Variants in DLG2 observed in about 807,000 individuals in gnomAD.
DLG2 encodes discs large MAGUK scaffold protein 2.
Under a neutral mutation model 132.5 loss-of-function variants are expected in DLG2, and 45 were observed. The observed-to-expected ratio is 0.34, with a 90% CI of 0.27 to 0.44. The LOEUF (loss-of-function observed/expected upper bound fraction) is 0.44, where lower values mean the gene tolerates loss of function less well. DLG2 is among the 20% of genes least tolerant of loss of function. The pLI is 1.00. For missense variants in DLG2, 1,045 were observed against 1,196.9 expected (o/e 0.87, Z 1.87); for synonymous variants, 424 against 419.6 (o/e 1.01, Z -0.13).
chr11:84,098,962 A>T lies in DLG2; in HGVS notation c.710T>A (p.Ile237Asn). Residue 237 changes from isoleucine (I) to asparagine (N), a missense_variant, in exon 10 of 28, where the codon ATT (isoleucine) becomes AAT (asparagine). Physicochemically the swap from Ile to Asn is moderately radical, Grantham distance 149 (BLOSUM62 -3). Transcript: ENST00000376104. Reference protein sequence around the residue: ...GDDPGIFITKIIPGGAAAEDG... With the variant: ...GDDPGIFITKNIPGGAAAEDG... Reference sequence around the variant, plus strand: ...CTCTGCTGCAGCACCTCCTGGTATAATCTTCGTAATAAATATGCCAGGGTC... The same window carrying T: ...CTCTGCTGCAGCACCTCCTGGTATATTCTTCGTAATAAATATGCCAGGGTC... 6.2e-7 allele frequency: 1 copy of T among 1,613,610 alleles called. No individual in the cohort carries two copies. The highest frequency in any genetic ancestry group is 8.5e-7 in the Non-Finnish European group (1 of 1,179,796).
rs76970339 is a variant in DLG2, at chr11:84,463,779, T to G, written c.519+70791A>C. 2.0e-5 allele frequency among the ~76,000 whole-genome samples: 3 copies of G among 151,108 alleles called. No homozygotes were observed. The East Asian group carries it at 5.9e-4, about 30-fold the overall frequency. ...GATGCATGTTGTACCTGGAAGAAAA[T>G]CCCTAATCTTGAACACACCCGTGGG... On this transcript the variant is annotated intron_variant, in intron 7 of 27. Coordinates refer to ENST00000376104, the MANE Select transcript of DLG2 (RefSeq NM_001142699.3).
intron 6 of DLG2, among the ~76,000 whole-genome samples, chr11:84,882,177 C>G (rs1470526691): frequency 6.6e-6 from 1 of 151,924 alleles, no homozygotes. Flanking sequence ...TGGGAGATCA[C>G]TATAAGAAGA....
chr11:85,296,467 C>CTTTTTTTTTTTTTTTTTTATTTTTT (rs66526147), intron 3 of DLG2, among the ~76,000 whole-genome samples: 1 of 121,552 alleles, frequency 8.2e-6, no homozygotes. Context: ...TTTCGATTTT[C>CTTTTTTTTTTTTTTTTTTATTTTTT]TTTTTTTTTT....
At chr11:84,119,947 G>C (rs1227198780) in intron 9 of DLG2, among the ~76,000 whole-genome samples, 1 of 152,118 alleles carries the variant, frequency 6.6e-6, no homozygotes, top group African/African-American at 2.4e-5. Context: ...TATTTTCTTT[G>C]TGTGGAAGAT....
intron 22 of DLG2, among the ~76,000 whole-genome samples, chr11:83,483,572 G>A (rs552381994): frequency 5.3e-5 from 8 of 152,226 alleles, no homozygotes; most frequent in Non-Finnish European, 8.8e-5. Context: ...TTTGACCATG[G>A]TCAATCACGT....
chr11:84,181,982 A>T (rs969860481), intron 8 of DLG2, among the ~76,000 whole-genome samples: 19 of 149,618 alleles, frequency 1.3e-4, no homozygotes, highest in Non-Finnish European at 4.5e-5. Flanking sequence ...CAGGCACAAA[A>T]TCAGTAAGGA....
chr11:85,096,451 G>T (rs1460243985), intron 6 of DLG2, among the ~76,000 whole-genome samples: 1 of 151,238 alleles, frequency 6.6e-6, no homozygotes, highest in African/African-American at 2.4e-5. Context: ...CACTGCAAAG[G>T]GCCGCGGCTT....
intron 7 of DLG2, among the ~76,000 whole-genome samples, chr11:84,312,459 C>T (rs922217158): frequency 6.6e-6 from 1 of 152,020 alleles, no homozygotes; most frequent in African/African-American, 2.4e-5. Flanking sequence ...AGGACCAGTG[C>T]GAGACTGCAT....
At chr11:84,971,124 C>A (rs1365580923) in intron 6 of DLG2, among the ~76,000 whole-genome samples, 1 of 152,052 alleles carries the variant, frequency 6.6e-6, no homozygotes, top group Non-Finnish European at 1.5e-5. Context: ...ATGAGAGGTA[C>A]AAAGACGGCA....
At chr11:84,930,794 C>T (rs916060875) in intron 6 of DLG2, among the ~76,000 whole-genome samples, 1 of 152,008 alleles carries the variant, frequency 6.6e-6, no homozygotes, top group Non-Finnish European at 1.5e-5. Flanking sequence ...AAGACTTTCC[C>T]ATCTAAAAAC....
rs771915672 is a variant in DLG2 at position 84,609,437 on chromosome 11, C to T, written c.358-74706G>A. On this transcript the variant is annotated intron_variant, in intron 6 of 27. Coordinates refer to ENST00000376104, the MANE Select transcript of DLG2 (RefSeq NM_001142699.3). ...TGTCTCAGAGTTACAAAAGAAGCACCGTAATTCTCGCAGTTTTTGGTGAGA... is the reference window on the plus strand; with the variant it reads ...TGTCTCAGAGTTACAAAAGAAGCACTGTAATTCTCGCAGTTTTTGGTGAGA... Among the ~76,000 whole-genome samples, 9 of 151,986 alleles carry T rather than the reference C, an allele frequency of 5.9e-5. No homozygotes were observed. The South Asian group carries it at 1.0e-3, about 18-fold the overall frequency.
At chr11:84,170,013 A>C (rs1027657771) in intron 8 of DLG2, among the ~76,000 whole-genome samples, 2 of 152,192 alleles carry the variant, frequency 1.3e-5, no homozygotes, top group African/African-American at 4.8e-5. Context: ...GGCTATTCTC[A>C]AGGCATTTCC....
At chr11:83,740,606 C>T (rs887733500) in intron 18 of DLG2, among the ~76,000 whole-genome samples, 8 of 152,144 alleles carry the variant, frequency 5.3e-5, no homozygotes, top group Admixed American at 6.6e-5. Flanking sequence ...AAGCTGTATA[C>T]TTCTGATTTG....
intron 7 of DLG2, among the ~76,000 whole-genome samples, chr11:84,425,542 A>G (rs2098963684): frequency 6.6e-6 from 1 of 152,154 alleles, no homozygotes; most frequent in Non-Finnish European, 1.5e-5. Context: ...ACATATACAT[A>G]AAGAAAAACA....
intron 6 of DLG2, among the ~76,000 whole-genome samples, chr11:85,040,359 T>TA: frequency 6.6e-6 from 1 of 151,986 alleles, no homozygotes; most frequent in East Asian, 1.9e-4. Context: ...CGTGTAATGT[T>TA]ATGTTATGCT....
chr11:83,737,686 G>A (rs943199194), intron 18 of DLG2, among the ~76,000 whole-genome samples: 2 of 152,206 alleles, frequency 1.3e-5, no homozygotes, highest in Non-Finnish European at 2.9e-5. Flanking sequence ...GGGTGTGGTG[G>A]CTCACGCCTG....
intron 4 of DLG2, among the ~76,000 whole-genome samples, chr11:85,222,995 A>C (rs2074751443): frequency 2.0e-5 from 3 of 152,218 alleles, no homozygotes; most frequent in Admixed American, 2.0e-4. Flanking sequence ...GGCACAGACA[A>C]GCAACCATTC....
chr11:83,732,410 T>G (rs893544480), intron 18 of DLG2, among the ~76,000 whole-genome samples: 1 of 152,200 alleles, frequency 6.6e-6, no homozygotes, highest in Non-Finnish European at 1.5e-5. Flanking sequence ...GTAGCTATTA[T>G]GCTTAGAAAT....
At position 84,600,231 on chromosome 11, in the gene DLG2, A is replaced by C. The variant is rs1235795294; in HGVS notation, c.358-65500T>G. On this transcript the variant is annotated intron_variant, in intron 6 of 27. Transcript: ENST00000376104. ...AAGAAAGAAAGAAAGAAAGAGAAAG[A>C]AAGACAGAAAAGCAAGCAAGCAAGC... Among the ~76,000 whole-genome samples, 227 of 129,614 alleles carry C rather than the reference A, an allele frequency of 1.8e-3. 3 individuals are homozygous for C. The highest frequency in any genetic ancestry group is 4.5e-3 in the African/African-American group (115 of 25,786). 85.0% of individuals were successfully genotyped at this position (129,614 alleles called of 152,430 possible).
Sources: gnomAD v4.1 joint callset for allele counts (sites outside exome capture counted in the v4.1 genomes callset) on GRCh38, gnomAD v4.1.1 for gene constraint, MANE v1.5 for transcripts, NCBI Gene and HGNC (gene_info 2026-07-23, HGNC 2026-07-21) for gene names.